The following MAPKAP1 variants were observed in gnomAD, a reference collection of about 807,000 sequenced individuals.
The protein encoded by MAPKAP1 is target of rapamycin complex 2 subunit MAPKAP1.
A neutral mutation model predicts 65.7 loss-of-function variants in MAPKAP1; 20 were observed. The observed-to-expected ratio is 0.30, with a 90% CI of 0.21 to 0.44. The LOEUF (loss-of-function observed/expected upper bound fraction) is 0.44. Ranked by LOEUF, MAPKAP1 falls within the 20% of genes least tolerant of loss-of-function variation. The pLI is 1.00. For missense variants in MAPKAP1, 423 were observed against 648.0 expected (o/e 0.65, Z 3.77); for synonymous variants, 222 against 244.3 (o/e 0.91, Z 0.85).
In MAPKAP1 at chr9:125,669,924, A is replaced by T. The variant is rs573490898; in HGVS notation, c.260-17T>A. 2.8e-6 allele frequency: 4 copies of T among 1,452,102 alleles called. No individual in the cohort carries two copies. The highest frequency in any genetic ancestry group is 2.8e-5 in the African/African-American group (2 of 70,828). 90.0% of individuals were successfully genotyped at this position (1,452,102 alleles called of 1,614,324 possible). On this transcript the variant is annotated splice_polypyrimidine_tract_variant and intron_variant, in intron 2 of 11. Coordinates refer to ENST00000265960, the MANE Select transcript of MAPKAP1 (RefSeq NM_001006617.3). The stretch of plus-strand genomic sequence containing the variant: ...ATCTTTGAGCTTGAAAAGAAATATT[A>T]TAACTGTAAGTTTGTCAATGAAAGT...
At chr9:125,535,205 C>T (rs535801359) in intron 7 of MAPKAP1, among the ~76,000 whole-genome samples, 34 of 152,258 alleles carry the variant, frequency 2.2e-4, no homozygotes, top group Non-Finnish European at 3.7e-4. Context: ...AACATGTTGT[C>T]TCTTCTACTT....
In MAPKAP1 at chr9:125,659,326, T is replaced by G. The variant is rs532186292; in HGVS notation, c.350-1527A>C. ...ACTGAGGAATCCCAAACATAAGTAA[T>G]GTATAGACTTCACACAGCTGTTACC... is the stretch of plus-strand genomic sequence containing the variant. On this transcript the variant is annotated intron_variant, in intron 3 of 11. Transcript: ENST00000265960. 6.6e-5 allele frequency among the ~76,000 whole-genome samples: 10 copies of G among 152,282 alleles called. No individual in the cohort carries two copies. The East Asian group carries it at 1.7e-3, about 26-fold the overall frequency.
At chr9:125,549,886 A>T (rs748307230) in intron 6 of MAPKAP1, among the ~76,000 whole-genome samples, 1 of 152,088 alleles carries the variant, frequency 6.6e-6, no homozygotes, top group Non-Finnish European at 1.5e-5. Context: ...AATCAAACTC[A>T]ATTATTTACT....
At chr9:125,493,468 A>AT (rs753266018) in intron 8 of MAPKAP1, among the ~76,000 whole-genome samples, 72 of 152,366 alleles carry the variant, frequency 4.7e-4, no homozygotes, top group Admixed American at 1.0e-3. Context: ...GGGCAGGAAC[A>AT]TCCCATTCTA....
At chr9:125,657,540 A>G (rs946878386) in intron 4 of MAPKAP1, 111 bp downstream of exon 4, 2 of 981,820 alleles carry the variant, frequency 2.0e-6, no homozygotes, top group African/African-American at 3.3e-5. Context: ...TATAACTGTC[A>G]ACTGATATTC....
chr9:125,445,241 A>G (rs2132929645), intron 10 of MAPKAP1, among the ~76,000 whole-genome samples: 1 of 152,312 alleles, frequency 6.6e-6, no homozygotes, highest in East Asian at 1.9e-4. Context: ...TCCATTCTCC[A>G]TGCCCCGTCC....
chr9:125,585,840 A>T (rs561302143), intron 4 of MAPKAP1, 113 bp from the exon 5 acceptor site: 1 of 991,858 alleles, frequency 1.0e-6, no homozygotes, highest in Non-Finnish European at 1.5e-6. Flanking sequence ...CTACAGACCT[A>T]CTGTGACCAT....
Position 125,566,464 on chromosome 9 carries a change from T to G in MAPKAP1, c.672-6655A>C, listed in dbSNP as rs188385178. Reference sequence around the variant, plus strand: ...CTTGTAGTCCCAGCTACTTAGGAGGTGAAGTGCGAGGATAGCTTGAGCCTG... The same window carrying G: ...CTTGTAGTCCCAGCTACTTAGGAGGGGAAGTGCGAGGATAGCTTGAGCCTG... On this transcript the variant is annotated intron_variant, in intron 5 of 11. Transcript: ENST00000265960. 6.6e-5 allele frequency among the ~76,000 whole-genome samples: 10 copies of G among 151,854 alleles called. No homozygotes were observed. In the East Asian group the frequency reaches 1.4e-3, roughly 21 times the overall value.
rs1340743700 is a variant in MAPKAP1 at position 125,707,008 on chromosome 9, G to A, written c.-107C>T. ...CCACACTACGGGCCGGGTCGGCCCC[G>A]GGACACGTTCCTGAGGGGAGGGCCC... On this transcript the variant is annotated 5_prime_UTR_variant, in exon 1 of 12. Coordinates refer to ENST00000265960, the MANE Select transcript of MAPKAP1 (RefSeq NM_001006617.3). The A allele has an allele frequency of 1.5e-5, 6 of 396,732 alleles. No individual in the cohort carries two copies. Among genetic ancestry groups the A allele is most frequent in the East Asian group, 1.1e-4 (3 of 28,018 alleles). The allele number at this position is 396,732 out of a possible 1,614,324, so 24.6% of individuals were successfully genotyped here. A position where few individuals can be genotyped will look rare whatever the true frequency, so the allele number is the denominator to read the frequency against.
At chr9:125,673,281 T>A (rs956445182) in intron 1 of MAPKAP1, among the ~76,000 whole-genome samples, 2 of 152,178 alleles carry the variant, frequency 1.3e-5, no homozygotes, top group African/African-American at 2.4e-5. Flanking sequence ...CAGGCTGGAG[T>A]GCAGTGGCGT....
At chr9:125,563,303 C>T (rs551606751) in intron 5 of MAPKAP1, among the ~76,000 whole-genome samples, 20 of 152,336 alleles carry the variant, frequency 1.3e-4, no homozygotes, top group Admixed American at 4.6e-4. Flanking sequence ...AACAGGGGCA[C>T]TTCCCATGAC....
chr9:125,576,949 G>C (rs576599758), intron 5 of MAPKAP1, among the ~76,000 whole-genome samples: 14 of 152,260 alleles, frequency 9.2e-5, no homozygotes, highest in Non-Finnish European at 1.3e-4. Flanking sequence ...ACCCCGTCTG[G>C]GAAGTGAGGA....
At chr9:125,571,613 T>C (rs527477402) in intron 5 of MAPKAP1, among the ~76,000 whole-genome samples, 2 of 152,216 alleles carry the variant, frequency 1.3e-5, no homozygotes, top group South Asian at 2.1e-4. Flanking sequence ...TCCTAGCACT[T>C]TGGGAGGCCG....
At chr9:125,586,319 C>A (rs1485614995) in intron 4 of MAPKAP1, among the ~76,000 whole-genome samples, 1 of 152,124 alleles carries the variant, frequency 6.6e-6, no homozygotes, top group Non-Finnish European at 1.5e-5. Flanking sequence ...CACTCCCTCC[C>A]ACACACCTAC....
intron 5 of MAPKAP1, among the ~76,000 whole-genome samples, chr9:125,564,624 C>T (rs564689504): frequency 5.0e-4 from 76 of 152,184 alleles, no homozygotes; most frequent in Middle Eastern, 3.4e-3. Flanking sequence ...ATTTTCTCTA[C>T]CGAGTTCTGG....
chr9:125,444,238 G>A (rs564717933), intron 11 of MAPKAP1, among the ~76,000 whole-genome samples: 1 of 152,372 alleles, frequency 6.6e-6, no homozygotes, highest in East Asian at 1.9e-4. Flanking sequence ...GAAGAGCCAG[G>A]GTTATTGGGA....
chr9:125,467,383 G>C (rs776026374), intron 10 of MAPKAP1, among the ~76,000 whole-genome samples: 1 of 152,208 alleles, frequency 6.6e-6, no homozygotes, highest in Non-Finnish European at 1.5e-5. Context: ...TAACTGGACT[G>C]TATCTACTTT....
Position 125,447,231 on chromosome 9 carries a change from GA to G in MAPKAP1, c.1346-2634del, listed in dbSNP as rs1852751730. On this transcript the variant is annotated intron_variant, in intron 10 of 11. Coordinates refer to ENST00000265960, the MANE Select transcript of MAPKAP1 (RefSeq NM_001006617.3). This position sits in a 1 kb window ranked among gnomAD's most constrained non-coding sequence, Gnocchi z 4.5. ...CTCATTCCAGCACCCATCTGAGGAA[GA>G]GTGAAGCAGGTGAGGAGGAGGAAGA... 3 of 368,656 alleles carry G rather than the reference GA, an allele frequency of 8.1e-6. No homozygotes were observed. Among genetic ancestry groups the G allele is most frequent in the South Asian group, 6.0e-5 (3 of 50,038 alleles). 22.8% of individuals were successfully genotyped at this position (368,656 alleles called of 1,614,324 possible). A position where few individuals can be genotyped will look rare whatever the true frequency, so the allele number is the denominator to read the frequency against.
intron 1 of MAPKAP1, chr9:125,696,431 A>AC (rs1835387297): frequency 6.6e-6 from 1 of 151,808 alleles, no homozygotes; most frequent in African/African-American, 2.4e-5. Context: ...ACAAAAAAAA[A>AC]ACAAAAAACA....
Sources: gnomAD v4.1 joint callset for allele counts (sites outside exome capture counted in the v4.1 genomes callset) on GRCh38, gnomAD v4.1.1 for gene constraint, Gnocchi (gnomAD v3.1) non-coding constraint, MANE v1.5 for transcripts, NCBI Gene and HGNC (gene_info 2026-07-23, HGNC 2026-07-21) for gene names.